Variants in VPS35L observed in about 807,000 individuals in gnomAD.
VPS35L encodes VPS35 endosomal protein sorting factor like, also known as VPS35 endosomal protein-sorting factor-like.
VPS35L carries 83 observed loss-of-function variants against 133.0 expected under a neutral mutation model. The ratio of observed to expected loss-of-function variants is 0.62; its 90% CI spans 0.52 to 0.75. The LOEUF is 0.75. VPS35L is among the 30% of genes least tolerant of loss of function. VPS35L has a pLI of 0.00. For missense variants in VPS35L, 1,083 were observed against 1,206.8 expected (o/e 0.90, Z 1.52); for synonymous variants, 423 against 449.9 (o/e 0.94, Z 0.76).
intron 20 of VPS35L, among the ~76,000 whole-genome samples, chr16:19,638,122 T>A (rs1973676874): frequency 6.6e-6 from 1 of 152,220 alleles, no homozygotes; most frequent in Non-Finnish European, 1.5e-5. Flanking sequence ...CGATGTCTGT[T>A]CGAGTTTGTT....
At chr16:19,583,428 G>A (rs554638225) in intron 7 of VPS35L, among the ~76,000 whole-genome samples, 2 of 151,934 alleles carry the variant, frequency 1.3e-5, no homozygotes, top group Non-Finnish European at 2.9e-5. Flanking sequence ...ATATTTATGG[G>A]GTACAGAGTG....
Position 19,609,879 on chromosome 16 carries a change from C to T in VPS35L, c.930-443C>T, listed in dbSNP as rs569659923. 7.6e-4 allele frequency among the ~76,000 whole-genome samples: 116 copies of T among 152,210 alleles called. 1 individual carries two copies. The highest frequency in any genetic ancestry group is 2.5e-3 in the African/African-American group (102 of 41,516). On this transcript the variant is annotated intron_variant, in intron 11 of 30. Transcript: ENST00000417362. The stretch of plus-strand genomic sequence containing the variant: ...TGCAGGAGAAATAAATTGTAATTCA[C>T]ATTGTTGGTGGTTGGAGGATGTCAG...
chr16:19,649,215 T>C (rs1974049726), intron 24 of VPS35L, among the ~76,000 whole-genome samples: 1 of 152,106 alleles, frequency 6.6e-6, no homozygotes, highest in African/African-American at 2.4e-5. Flanking sequence ...GGTCTTGAAC[T>C]CTTAACCTAA....
At position 19,558,306 on chromosome 16, in the gene VPS35L, C is replaced by T. The variant is rs148564185; in HGVS notation, c.17+2560C>T. On this transcript the variant is annotated intron_variant, in intron 1 of 30. Transcript: ENST00000417362. ...AGGTTCTTATAACAACCCCATGTTG[C>T]GGAGGAAGAAATAGAGGCAGAGAGA... Among the ~76,000 whole-genome samples, 167 of 152,268 alleles carry T rather than the reference C, an allele frequency of 1.1e-3. 1 individual carries two copies. The highest frequency in any genetic ancestry group is 3.9e-3 in the African/African-American group (160 of 41,552).
At chr16:19,671,992 GTTTTAT>G (rs1364521434) in intron 27 of VPS35L, among the ~76,000 whole-genome samples, 1 of 152,108 alleles carries the variant, frequency 6.6e-6, no homozygotes, top group Non-Finnish European at 1.5e-5. Context: ...TCATCTAATT[GTTTTAT>G]TTTGAGAAGG....
intron 14 of VPS35L, among the ~76,000 whole-genome samples, chr16:19,618,927 T>G (rs1321323706): frequency 6.6e-6 from 1 of 151,580 alleles, no homozygotes; most frequent in Non-Finnish European, 1.5e-5. Context: ...ATCTGTTTTT[T>G]TTTTTTTTTC....
At chr16:19,691,720 G>A (rs1477826234) in intron 29 of VPS35L, among the ~76,000 whole-genome samples, 1 of 152,076 alleles carries the variant, frequency 6.6e-6, no homozygotes, top group Non-Finnish European at 1.5e-5. Flanking sequence ...GACCTCCTCA[G>A]GCCTTCCCGG....
chr16:19,637,506 T>G, intron 19 of VPS35L, 88 bp from the exon 20 acceptor site: 1 of 971,010 alleles, frequency 1.0e-6, no homozygotes, highest in Non-Finnish European at 1.5e-6. Flanking sequence ...AAAAAAAAAT[T>G]TAGGTTTTCC....
chr16:19,676,899 A>C (rs796632939), intron 27 of VPS35L, among the ~76,000 whole-genome samples: 6 of 152,126 alleles, frequency 3.9e-5, no homozygotes, highest in African/African-American at 1.4e-4. Context: ...GCACTGGTCC[A>C]CCAAGAGGCT....
At position 19,579,076 on chromosome 16, in the gene VPS35L, C is replaced by T. The variant is rs1175425151; in HGVS notation, c.458C>T (p.Ala153Val). 2 of 1,614,110 alleles carry T rather than the reference C, an allele frequency of 1.2e-6. No individual in the cohort carries two copies. The highest frequency in any genetic ancestry group is 2.7e-5 in the African/African-American group (2 of 75,052). The change falls in exon 6 of 31, where the codon GCA becomes GTA. Residue 153 changes from alanine to valine, a missense_variant. Coordinates refer to ENST00000417362, the MANE Select transcript of VPS35L (RefSeq NM_020314.7). ...GGCAAAGCTGGGACTGCCACATTGG[C>T]AATGTCAGAGAAGGTGCGGACCCGG... The part of the protein sequence containing the change: ...EKGKAGTATL[A>V]MSEKVRTRLE...
intron 17 of VPS35L, among the ~76,000 whole-genome samples, chr16:19,629,100 A>G (rs1198489318): frequency 6.6e-6 from 1 of 152,036 alleles, no homozygotes; most frequent in African/African-American, 2.4e-5. Context: ...TAAATCAACC[A>G]CTTTTTGTCC....
chr16:19,584,627 C>CA (rs34652566), intron 7 of VPS35L, among the ~76,000 whole-genome samples: 39,750 of 102,208 alleles, frequency 0.39, 6,344 homozygotes, highest in East Asian at 0.59. Flanking sequence ...AACTCTGTCT[C>CA]AAAAAAAAAA....
At chr16:19,578,204 G>T in intron 5 of VPS35L, 1 of 443,378 alleles carries the variant, frequency 2.3e-6, no homozygotes, top group Non-Finnish European at 4.5e-6. Flanking sequence ...GACACTTTGT[G>T]ACTCTTAAAA....
In VPS35L at chr16:19,579,143, T is replaced by C. The variant is rs1431610950; in HGVS notation, c.510+15T>C. On this transcript the variant is annotated intron_variant, in intron 6 of 30. Coordinates refer to ENST00000417362, the MANE Select transcript of VPS35L (RefSeq NM_020314.7). ...ACTTTGAGGAGGTGAGCAAGTCATT[T>C]GTGGAATACAGGGAGTGGGAGAGCT... 1.9e-6 allele frequency: 3 copies of C among 1,611,836 alleles called. No individual in the cohort carries two copies. The African/African-American group carries it at 4.0e-5, about 22-fold the overall frequency.
At chr16:19,596,281 A>AT (rs11380654) in intron 8 of VPS35L, among the ~76,000 whole-genome samples, 95,734 of 148,136 alleles carry the variant, frequency 0.65, 31,565 homozygotes, top group African/African-American at 0.78. Flanking sequence ...TGCATATACC[A>AT]TTTTTTTTTT....
chr16:19,601,727 A>C lies in VPS35L; in HGVS notation c.784+4A>C. The C allele has an allele frequency of 6.2e-7, 1 of 1,614,056 alleles. No individual in the cohort carries two copies. The stretch of plus-strand genomic sequence containing the variant: ...GATAGCCGCAGCGTCTTACCAGGTA[A>C]TGTCGCAGCTGTTCCTGGGGTGTCA... On this transcript the variant is annotated splice_donor_region_variant and intron_variant, in intron 9 of 30. Coordinates refer to ENST00000417362, the MANE Select transcript of VPS35L (RefSeq NM_020314.7).
chr16:19,624,084 A>ATGAG (rs1973178692), intron 14 of VPS35L, among the ~76,000 whole-genome samples: 1 of 143,654 alleles, frequency 7.0e-6, no homozygotes, highest in South Asian at 2.2e-4. Context: ...GATTACAGGC[A>ATGAG]TGAGCCATCG....
At chr16:19,585,654 C>G (rs1262175098) in intron 7 of VPS35L, among the ~76,000 whole-genome samples, 2 of 152,110 alleles carry the variant, frequency 1.3e-5, no homozygotes, top group Non-Finnish European at 2.9e-5. Flanking sequence ...ATCTTCCCAT[C>G]TCAGCCTCCC....
intron 26 of VPS35L, among the ~76,000 whole-genome samples, chr16:19,653,564 A>G (rs1035665259): frequency 6.6e-6 from 1 of 152,222 alleles, no homozygotes; most frequent in Non-Finnish European, 1.5e-5. Context: ...GCTCAAGGCC[A>G]TGCCCCTTCA....
Sources: gnomAD v4.1 joint callset for allele counts (sites outside exome capture counted in the v4.1 genomes callset) on GRCh38, gnomAD v4.1.1 for gene constraint, MANE v1.5 for transcripts, NCBI Gene and HGNC (gene_info 2026-07-23, HGNC 2026-07-21) for gene names.